The following CEP128 variants were observed in gnomAD, a reference collection of about 807,000 sequenced individuals.
CEP128 encodes the protein centrosomal protein 128.
In CEP128, 132 loss-of-function variants were observed where a neutral mutation model predicts 156.7. The observed-to-expected ratio is 0.84, with a 90% CI of 0.73 to 0.97. The LOEUF is 0.97. Among genes scored for constraint, CEP128 ranks in the 50% least tolerant of loss-of-function variants. CEP128 has a pLI of 0.00. For synonymous variants in CEP128, 469 were observed against 448.9 expected, an observed-to-expected ratio of 1.04 and a Z score of -0.57; for missense variants, 1,252 against 1,281.9, an observed-to-expected ratio of 0.98 and a Z score of 0.36.
intron 19 of CEP128, among the ~76,000 whole-genome samples, chr14:80,693,281 G>A (rs953261398): frequency 3.3e-5 from 5 of 152,090 alleles, no homozygotes; most frequent in African/African-American, 1.2e-4. Context: ...TCTACTGCTA[G>A]TATTTCAATT....
intron 6 of CEP128, among the ~76,000 whole-genome samples, chr14:80,900,993 T>G (rs1883526197): frequency 6.6e-6 from 1 of 151,596 alleles, no homozygotes; most frequent in African/African-American, 2.4e-5. Flanking sequence ...GATCACGAGG[T>G]CAGGAGATCG....
intron 13 of CEP128, among the ~76,000 whole-genome samples, chr14:80,825,829 C>T (rs1885441551): frequency 6.6e-6 from 1 of 152,094 alleles, no homozygotes; most frequent in Admixed American, 6.6e-5. Context: ...ACATCTCAGC[C>T]AGGCATGGTG....
intron 19 of CEP128, among the ~76,000 whole-genome samples, chr14:80,595,888 C>T (rs749772380): frequency 2.0e-5 from 3 of 151,956 alleles, no homozygotes; most frequent in Non-Finnish European, 2.9e-5. Flanking sequence ...ATAAAACCAT[C>T]GGATCTCATG....
At chr14:80,532,495 C>A (rs889477942) in intron 21 of CEP128, among the ~76,000 whole-genome samples, 2 of 152,170 alleles carry the variant, frequency 1.3e-5, no homozygotes, top group Non-Finnish European at 2.9e-5. Flanking sequence ...CAGTTTCCCC[C>A]ACAGCATATA....
intron 4 of CEP128, among the ~76,000 whole-genome samples, chr14:80,913,561 AACT>A (rs1884371798): frequency 6.6e-6 from 1 of 152,210 alleles, no homozygotes; most frequent in Non-Finnish European, 1.5e-5. Flanking sequence ...TAAGTGAAGT[AACT>A]AAGGAATGAA....
chr14:80,562,483 C>A (rs1286349161), intron 20 of CEP128, among the ~76,000 whole-genome samples: 1 of 151,972 alleles, frequency 6.6e-6, no homozygotes, highest in Admixed American at 6.6e-5. Context: ...TCTTCATGAA[C>A]TTCTTATTTG....
chr14:80,565,303 T>G (rs2140391670), intron 20 of CEP128, among the ~76,000 whole-genome samples: 1 of 152,184 alleles, frequency 6.6e-6, no homozygotes, highest in East Asian at 1.9e-4. Context: ...ATAACCTAAC[T>G]TTAACCCCCT....
intron 20 of CEP128, 57 bp from the exon 21 acceptor site, chr14:80,559,359 A>C: frequency 7.1e-7 from 1 of 1,403,068 alleles, no homozygotes; most frequent in Non-Finnish European, 9.8e-7. Context: ...AATTGTTTCA[A>C]GTTTACTTAA....
intron 9 of CEP128, 119 bp downstream of exon 9, chr14:80,862,638 T>C (rs1483055247): frequency 4.3e-6 from 3 of 702,688 alleles, no homozygotes; most frequent in Non-Finnish European, 7.5e-6. Context: ...AACCAATATG[T>C]GATATTAATA....
At chr14:80,532,190 T>C (rs1889258180) in intron 21 of CEP128, among the ~76,000 whole-genome samples, 1 of 134,098 alleles carries the variant, frequency 7.5e-6, no homozygotes, top group South Asian at 2.2e-4. Context: ...ATTATGAGTA[T>C]ATATATATAT....
chr14:80,592,738 A>C (rs963367552), intron 19 of CEP128, among the ~76,000 whole-genome samples: 14 of 152,322 alleles, frequency 9.2e-5, no homozygotes, highest in Admixed American at 3.3e-4. Context: ...AACATTGCAA[A>C]AATCCTAAAT....
chr14:80,936,864 C>G (rs1242330786), intron 2 of CEP128, among the ~76,000 whole-genome samples: 1 of 151,996 alleles, frequency 6.6e-6, no homozygotes, highest in Non-Finnish European at 1.5e-5. Flanking sequence ...GAAAAAACCT[C>G]TCACTCGCAG....
chr14:80,888,636 T>C (rs557304615), intron 8 of CEP128, among the ~76,000 whole-genome samples: 3 of 152,246 alleles, frequency 2.0e-5, no homozygotes, highest in East Asian at 1.9e-4. Context: ...TATCTCAAAA[T>C]AATAAGACCT....
chr14:80,732,283 C>T (rs556939423), intron 19 of CEP128, among the ~76,000 whole-genome samples: 1 of 152,148 alleles, frequency 6.6e-6, no homozygotes, highest in East Asian at 1.9e-4. Context: ...AAAAATTGCA[C>T]TAGCAAACAT....
intron 6 of CEP128, among the ~76,000 whole-genome samples, chr14:80,900,354 G>A (rs1364845007): frequency 6.6e-6 from 1 of 152,158 alleles, no homozygotes. Flanking sequence ...GGAGAAAACC[G>A]GTCTGCCAAT....
At chr14:80,858,865 T>G (rs935223765) in intron 9 of CEP128, among the ~76,000 whole-genome samples, 5 of 152,144 alleles carry the variant, frequency 3.3e-5, no homozygotes, top group African/African-American at 1.2e-4. Flanking sequence ...TCACACCAGT[T>G]AGAATGGCAA....
At chr14:80,655,905 G>GT (rs1210134594) in intron 19 of CEP128, among the ~76,000 whole-genome samples, 1 of 151,942 alleles carries the variant, frequency 6.6e-6, no homozygotes, top group Admixed American at 6.6e-5. Context: ...GTTTTGTTTT[G>GT]TTTTTTGTTT....
intron 8 of CEP128, among the ~76,000 whole-genome samples, chr14:80,887,332 T>A (rs1186157580): frequency 1.3e-5 from 2 of 152,224 alleles, no homozygotes; most frequent in Non-Finnish European, 2.9e-5. Flanking sequence ...TACATTCTTC[T>A]TAGCACTGCA....
At position 80,769,443 on chromosome 14, in the gene CEP128, G is replaced by C. The variant is rs373562642; in HGVS notation, c.2377-7830C>G. Among the ~76,000 whole-genome samples, 8 of 150,120 alleles carry C rather than the reference G, an allele frequency of 5.3e-5. No individual in the cohort carries two copies. The East Asian group carries it at 1.4e-3, about 27-fold the overall frequency. ...TCCCTCCCCACTCCCCCCGCCCCAC[G>C]ACAGGCCCCGGTGTGTGACGTTCCC... is the stretch of plus-strand genomic sequence containing the variant. On this transcript the variant is annotated intron_variant, in intron 16 of 24. Transcript: ENST00000555265.
Sources: gnomAD v4.1 joint callset for allele counts (sites outside exome capture counted in the v4.1 genomes callset) on GRCh38, gnomAD v4.1.1 for gene constraint, MANE v1.5 for transcripts, NCBI Gene and HGNC (gene_info 2026-07-23, HGNC 2026-07-21) for gene names.